Variants in DRC11 observed in about 807,000 individuals in gnomAD.
The protein encoded by DRC11 is IQ and AAA domain-containing protein 1.
At chr2:236,319,737 G>A in the DRC11 span, among the ~76,000 whole-genome samples, 4 of 152,158 alleles carry the variant, frequency 2.6e-5, no homozygotes, top group African/African-American at 9.7e-5. This position sits in a 1 kb window ranked among gnomAD's most constrained non-coding sequence, Gnocchi z 6.7. Context: ...TATCTTGGGT[G>A]ATTATATAGG....
the DRC11 span, among the ~76,000 whole-genome samples, chr2:236,460,639 C>A: frequency 6.6e-6 from 1 of 152,062 alleles, no homozygotes; most frequent in Non-Finnish European, 1.5e-5. This position sits in a 1 kb window ranked among gnomAD's most constrained non-coding sequence, Gnocchi z 4.0. Context: ...TTAAACAGTA[C>A]AGAAAAATAT....
chr2:236,421,081 G>C, the DRC11 span, among the ~76,000 whole-genome samples: 1 of 152,022 alleles, frequency 6.6e-6, no homozygotes, highest in African/African-American at 2.4e-5. Flanking sequence ...ATTTTGTTAT[G>C]TACCCAGTAG....
the DRC11 span, chr2:236,507,460 G>T: frequency 1.6e-6 from 1 of 613,692 alleles, no homozygotes; most frequent in Non-Finnish European, 2.9e-6. Context: ...GGTTTGCTTC[G>T]CAGGCACGGA....
At chr2:236,346,911 T>C in the DRC11 span, among the ~76,000 whole-genome samples, 5 of 152,132 alleles carry the variant, frequency 3.3e-5, no homozygotes, top group African/African-American at 4.8e-5. Flanking sequence ...CCTATGACCT[T>C]CTAGGGACAT....
chr2:236,399,404 T>C, the DRC11 span: 1 of 1,612,342 alleles, frequency 6.2e-7, no homozygotes, highest in Non-Finnish European at 8.5e-7. The surrounding 1 kb of genome is among the most constrained non-coding windows in gnomAD (Gnocchi z 7.0). Flanking sequence ...CACGTTCTCC[T>C]AAACTGACCT....
the DRC11 span, among the ~76,000 whole-genome samples, chr2:236,467,974 A>C: frequency 7.2e-5 from 11 of 152,170 alleles, no homozygotes; most frequent in Admixed American, 7.2e-4. Flanking sequence ...TACAGTGTCC[A>C]CTCACCCCAT....
At chr2:236,457,509 A>G in the DRC11 span, among the ~76,000 whole-genome samples, 1 of 152,242 alleles carries the variant, frequency 6.6e-6, no homozygotes, top group Non-Finnish European at 1.5e-5. This position sits in a 1 kb window ranked among gnomAD's most constrained non-coding sequence, Gnocchi z 4.7. Flanking sequence ...GTTGTAGTAG[A>G]CACTGAATAA....
chr2:236,473,087 T>C, the DRC11 span, among the ~76,000 whole-genome samples: 1 of 149,326 alleles, frequency 6.7e-6, no homozygotes, highest in African/African-American at 2.6e-5. This position sits in a 1 kb window ranked among gnomAD's most constrained non-coding sequence, Gnocchi z 4.8. Flanking sequence ...ATAATATTTT[T>C]TTAAATAAAA....
chr2:236,411,696 C>T, the DRC11 span, among the ~76,000 whole-genome samples: 2 of 146,680 alleles, frequency 1.4e-5, no homozygotes, highest in South Asian at 4.5e-4. Flanking sequence ...CACATATACA[C>T]CATGGAATAC....
At chr2:236,387,951 G>T in the DRC11 span, among the ~76,000 whole-genome samples, 5 of 152,048 alleles carry the variant, frequency 3.3e-5, no homozygotes, top group African/African-American at 9.7e-5. Context: ...GAAATTCTGG[G>T]TTGAAAATTC....
chr2:236,319,794 C>T, the DRC11 span, among the ~76,000 whole-genome samples: 1 of 152,198 alleles, frequency 6.6e-6, no homozygotes. This position sits in a 1 kb window ranked among gnomAD's most constrained non-coding sequence, Gnocchi z 6.7. Flanking sequence ...GAGAGACCTG[C>T]CACTTCATCA....
chr2:236,381,919 C>T, the DRC11 span, among the ~76,000 whole-genome samples: 13 of 152,100 alleles, frequency 8.5e-5, no homozygotes, highest in Non-Finnish European at 1.9e-4. The surrounding 1 kb of genome is among the most constrained non-coding windows in gnomAD (Gnocchi z 5.8). Context: ...TCCTCCCAGT[C>T]TGTAGCTTGT....
At chr2:236,357,967 T>G in the DRC11 span, among the ~76,000 whole-genome samples, 2 of 113,192 alleles carry the variant, frequency 1.8e-5, no homozygotes, top group Non-Finnish European at 3.3e-5. Context: ...ATATAATATA[T>G]GAATATATAC....
the DRC11 span, among the ~76,000 whole-genome samples, chr2:236,477,726 C>T: frequency 7.8e-3 from 1,190 of 152,192 alleles, 46 homozygotes; most frequent in East Asian, 0.12. Flanking sequence ...CATCATTGGT[C>T]TGTTCAGGTT....
chr2:236,368,238 A>G, the DRC11 span: 2 of 1,611,562 alleles, frequency 1.2e-6, no homozygotes, highest in Non-Finnish European at 1.7e-6. Flanking sequence ...TCTGACATCC[A>G]GGAGGGAGGG....
the DRC11 span, among the ~76,000 whole-genome samples, chr2:236,449,427 G>T: frequency 6.6e-6 from 1 of 152,196 alleles, no homozygotes; most frequent in Non-Finnish European, 1.5e-5. The surrounding 1 kb of genome is among the most constrained non-coding windows in gnomAD (Gnocchi z 5.1). Context: ...TTGTCCACGG[G>T]GTGTTTGCCT....
chr2:236,477,008 T>C, the DRC11 span, among the ~76,000 whole-genome samples: 1 of 152,202 alleles, frequency 6.6e-6, no homozygotes, highest in South Asian at 2.1e-4. Context: ...ATTTGGTTTT[T>C]TAGTGTTTTG....
the DRC11 span, among the ~76,000 whole-genome samples, chr2:236,448,903 A>G: frequency 6.6e-6 from 1 of 152,002 alleles, no homozygotes; most frequent in Admixed American, 6.5e-5. This position sits in a 1 kb window ranked among gnomAD's most constrained non-coding sequence, Gnocchi z 5.3. Flanking sequence ...TCTGTCACCC[A>G]GGCTGGAGTG....
the DRC11 span, among the ~76,000 whole-genome samples, chr2:236,308,629 GCTAATT>G: frequency 6.6e-6 from 1 of 152,164 alleles, no homozygotes; most frequent in Admixed American, 6.5e-5. This position sits in a 1 kb window ranked among gnomAD's most constrained non-coding sequence, Gnocchi z 6.0. Context: ...TCTGTGCTTG[GCTAATT>G]CCACTTAACA....
Sources: allele counts gnomAD v4.1 joint callset (sites outside exome capture counted in the v4.1 genomes callset), GRCh38; gene constraint gnomAD v4.1.1; non-coding constraint Gnocchi (gnomAD v3.1); transcripts MANE v1.5; gene names NCBI Gene and HGNC (gene_info 2026-07-23, HGNC 2026-07-21).